Variants in LRBA observed in about 807,000 individuals in gnomAD.
LRBA encodes the protein LPS responsive beige-like anchor protein.
LRBA carries 176 observed loss-of-function variants against 330.0 expected under a neutral mutation model. The observed-to-expected ratio is 0.53, with a 90% confidence interval of 0.47 to 0.60. LRBA has a LOEUF of 0.60. LRBA is among the 20% of genes least tolerant of loss of function. The probability of loss-of-function intolerance (pLI) is 0.00; values close to 1 mark genes in which losing one functional copy is unlikely to be tolerated. For missense variants in LRBA, 3,259 were observed against 3,444.8 expected, an observed-to-expected ratio of 0.95 and a Z score of 1.35; for synonymous variants, 1,230 against 1,193.0, an observed-to-expected ratio of 1.03 and a Z score of -0.64.
rs142221129 is a variant in LRBA, at chr4:150,398,360, T to TA, written c.7194+17077dup. ...GACAGAGGTAGATTTCACGAGCTCA[T>TA]AAAAATGAAAAAGTAAATGCTGCTG... On this transcript the variant is annotated intron_variant, in intron 47 of 56. Coordinates refer to ENST00000651943, the MANE Select transcript of LRBA (RefSeq NM_001364905.1). 2.6e-5 allele frequency among the ~76,000 whole-genome samples: 4 copies of TA among 152,258 alleles called. No homozygotes were observed. The East Asian group carries it at 7.7e-4, about 29-fold the overall frequency.
chr4:150,407,997 TTAGAG>T (rs1299806176), intron 47 of LRBA, among the ~76,000 whole-genome samples: 1 of 151,916 alleles, frequency 6.6e-6, no homozygotes, highest in Non-Finnish European at 1.5e-5. Flanking sequence ...AATAATCTAG[TTAGAG>T]TAAACTAAAC....
intron 37 of LRBA, among the ~76,000 whole-genome samples, chr4:150,667,044 T>C (rs1202535901): frequency 6.6e-6 from 1 of 152,186 alleles, no homozygotes. Flanking sequence ...CACGTATCTG[T>C]TAAGTAAAGA....
chr4:150,623,001 A>G (rs1380401834), intron 37 of LRBA, among the ~76,000 whole-genome samples: 1 of 152,042 alleles, frequency 6.6e-6, no homozygotes, highest in Non-Finnish European at 1.5e-5. Flanking sequence ...CCGGCCAACA[A>G]TCTTAAGGCT....
At chr4:150,455,382 C>T (rs1462607616) in intron 44 of LRBA, among the ~76,000 whole-genome samples, 1 of 151,566 alleles carries the variant, frequency 6.6e-6, no homozygotes, top group African/African-American at 2.4e-5. Context: ...GGAACCAACC[C>T]AAATGTCCAA....
chr4:150,467,845 GTAATA>G, intron 43 of LRBA, 60 bp from the exon 44 acceptor site: 1 of 742,118 alleles, frequency 1.3e-6, no homozygotes, highest in East Asian at 2.9e-5. Context: ...AACAGATTCA[GTAATA>G]TAATTTACTA....
chr4:150,658,471 G>T (rs1332369933), intron 37 of LRBA, among the ~76,000 whole-genome samples: 1 of 142,654 alleles, frequency 7.0e-6, no homozygotes, highest in Admixed American at 7.2e-5. Context: ...TACTCCAAAG[G>T]CTCAAAACTT....
intron 28 of LRBA, 76 bp downstream of exon 28, chr4:150,844,024 T>G: frequency 1.1e-6 from 1 of 874,880 alleles, no homozygotes; most frequent in Admixed American, 2.2e-5. Flanking sequence ...CAAAGAATTT[T>G]TAATCTCAAT....
chr4:150,404,161 A>C (rs1745864870), intron 47 of LRBA, among the ~76,000 whole-genome samples: 3 of 152,164 alleles, frequency 2.0e-5, no homozygotes, highest in Non-Finnish European at 2.9e-5. Context: ...CTGAACTCCA[A>C]AGGGCCTGGC....
chr4:150,966,801 T>C (rs561977917), intron 2 of LRBA, among the ~76,000 whole-genome samples: 36 of 152,302 alleles, frequency 2.4e-4, no homozygotes, highest in Non-Finnish European at 4.1e-4. Flanking sequence ...AAAACATCTA[T>C]TACTATTGCA....
intron 37 of LRBA, among the ~76,000 whole-genome samples, chr4:150,611,948 G>T (rs948793236): frequency 9.9e-5 from 15 of 151,970 alleles, no homozygotes; most frequent in Non-Finnish European, 1.3e-4. Context: ...TGTTGCTCAG[G>T]CTGGAGTGCA....
chr4:150,746,662 C>T (rs1301138079), intron 35 of LRBA, among the ~76,000 whole-genome samples: 4 of 152,010 alleles, frequency 2.6e-5, no homozygotes, highest in African/African-American at 9.7e-5. Context: ...CAGAGCCCAC[C>T]ACCATGCCCG....
intron 2 of LRBA, among the ~76,000 whole-genome samples, chr4:150,947,763 T>A (rs987116282): frequency 6.6e-6 from 1 of 152,116 alleles, no homozygotes; most frequent in Non-Finnish European, 1.5e-5. Context: ...CCAAAGACAT[T>A]TCCAAAAACA....
At chr4:150,983,449 C>CT (rs35205576) in intron 2 of LRBA, among the ~76,000 whole-genome samples, 1,917 of 107,198 alleles carry the variant, frequency 0.018, 76 homozygotes, top group African/African-American at 0.046. Flanking sequence ...AGCAAGCACT[C>CT]TTTTTTTTTT....
At chr4:150,870,789 CTA>C (rs1400555255) in intron 19 of LRBA, among the ~76,000 whole-genome samples, 183 bp from the exon 20 acceptor site, 4 of 152,088 alleles carry the variant, frequency 2.6e-5, no homozygotes, top group African/African-American at 7.2e-5. Context: ...CATTATTACT[CTA>C]TGTTTTCTTA....
intron 40 of LRBA, among the ~76,000 whole-genome samples, chr4:150,536,395 G>A (rs1764659112): frequency 6.6e-6 from 1 of 152,150 alleles, no homozygotes; most frequent in Non-Finnish European, 1.5e-5. Context: ...ATTTAGGAAT[G>A]GACTGTTGGG....
chr4:150,724,881 T>C (rs1006657369), intron 36 of LRBA, among the ~76,000 whole-genome samples: 2 of 147,218 alleles, frequency 1.4e-5, no homozygotes, highest in Admixed American at 1.4e-4. Context: ...TGTATATATA[T>C]ACATATATAT....
At chr4:150,362,869 A>G (rs1056278145) in intron 47 of LRBA, among the ~76,000 whole-genome samples, 2 of 152,182 alleles carry the variant, frequency 1.3e-5, no homozygotes, top group Non-Finnish European at 2.9e-5. Flanking sequence ...TGGGAGGCTG[A>G]GGTAGGTGGA....
intron 47 of LRBA, among the ~76,000 whole-genome samples, chr4:150,363,920 G>A (rs966996043): frequency 9.2e-5 from 14 of 152,202 alleles, no homozygotes; most frequent in Non-Finnish European, 1.9e-4. Context: ...GGTTGATACA[G>A]TGCTGGTTTG....
intron 55 of LRBA, among the ~76,000 whole-genome samples, chr4:150,278,350 A>G (rs1013168385): frequency 6.6e-6 from 1 of 152,148 alleles, no homozygotes; most frequent in African/African-American, 2.4e-5. Flanking sequence ...CAGACATGCT[A>G]ATAAGCCTGT....
Sources: allele counts gnomAD v4.1 joint callset (sites outside exome capture counted in the v4.1 genomes callset), GRCh38; gene constraint gnomAD v4.1.1; transcripts MANE v1.5; gene names NCBI Gene and HGNC (gene_info 2026-07-23, HGNC 2026-07-21).